The following CDH8 variants were observed in gnomAD, a reference collection of about 807,000 sequenced individuals.
CDH8 encodes cadherin-8.
In CDH8, 17 loss-of-function variants were observed where a neutral mutation model predicts 68.1. That is an observed-to-expected ratio of 0.25 (90% CI 0.17 to 0.37). The LOEUF is 0.37. Ranked by LOEUF, CDH8 falls within the 10% of genes least tolerant of loss-of-function variation. CDH8 has a pLI of 1.00. For synonymous variants in CDH8, 372 were observed against 365.1 expected (o/e 1.02, Z -0.21); for missense variants, 763 against 999.3 (o/e 0.76, Z 3.19).
chr16:62,000,097 T>G (rs111829776), intron 2 of CDH8, among the ~76,000 whole-genome samples: 4,045 of 152,238 alleles, frequency 0.027, 176 homozygotes, highest in African/African-American at 0.091. Context: ...TTGCTGAGAA[T>G]GATGGTTTCT....
chr16:61,884,118 C>T (rs1303119670), intron 3 of CDH8, among the ~76,000 whole-genome samples: 2 of 152,044 alleles, frequency 1.3e-5, no homozygotes, highest in Admixed American at 6.5e-5. Flanking sequence ...TGAAAAACAG[C>T]CTTAACTTGA....
At chr16:61,820,001 A>T (rs1420698853) in intron 6 of CDH8, among the ~76,000 whole-genome samples, 1 of 152,136 alleles carries the variant, frequency 6.6e-6, no homozygotes, top group African/African-American at 2.4e-5. Context: ...CACATTTCTT[A>T]TGAGTGTAGG....
At chr16:61,740,010 T>C (rs1055640920) in intron 8 of CDH8, among the ~76,000 whole-genome samples, 3 of 150,216 alleles carry the variant, frequency 2.0e-5, no homozygotes, top group Non-Finnish European at 4.4e-5. Context: ...CGGGTTCAAG[T>C]GATTCTCCCG....
intron 3 of CDH8, among the ~76,000 whole-genome samples, chr16:61,880,843 C>T (rs1375846023): frequency 1.3e-5 from 2 of 152,164 alleles, no homozygotes; most frequent in African/African-American, 4.8e-5. Context: ...GATCACGTTA[C>T]ATGAGATTGT....
At chr16:61,747,166 A>G (rs998152523) in intron 8 of CDH8, among the ~76,000 whole-genome samples, 2 of 152,106 alleles carry the variant, frequency 1.3e-5, no homozygotes, top group African/African-American at 2.4e-5. Context: ...CCATCTATGC[A>G]TGTTAGAAAG....
At chr16:61,887,338 G>C (rs1963693437) in intron 3 of CDH8, among the ~76,000 whole-genome samples, 1 of 152,202 alleles carries the variant, frequency 6.6e-6, no homozygotes, top group Non-Finnish European at 1.5e-5. Flanking sequence ...CTTTATAGCA[G>C]TGTGAAAACA....
chr16:61,672,836 T>C (rs1290853652), intron 10 of CDH8, among the ~76,000 whole-genome samples: 1 of 152,120 alleles, frequency 6.6e-6, no homozygotes, highest in Non-Finnish European at 1.5e-5. Flanking sequence ...GTTATTATAG[T>C]ATTCAGATGC....
chr16:61,700,454 T>TTTCACCATGTTGGCC (rs1357809809), intron 10 of CDH8, among the ~76,000 whole-genome samples: 20 of 152,002 alleles, frequency 1.3e-4, no homozygotes, highest in Non-Finnish European at 2.8e-4. Flanking sequence ...GTAATTTTTG[T>TTTCACCATGTTGGCC]ATTTTTAGTA....
At chr16:61,753,974 C>T (rs997436305) in intron 8 of CDH8, among the ~76,000 whole-genome samples, 5 of 152,064 alleles carry the variant, frequency 3.3e-5, no homozygotes, top group African/African-American at 9.7e-5. Context: ...TACAACCACT[C>T]AAAATGAAGA....
At chr16:61,988,674 A>G (rs184393718) in intron 2 of CDH8, among the ~76,000 whole-genome samples, 2 of 152,350 alleles carry the variant, frequency 1.3e-5, no homozygotes, top group East Asian at 3.9e-4. Context: ...ACCAAATTAC[A>G]GGAAAAAACA....
chr16:61,688,466 C>G lies in CDH8; in HGVS notation c.1654+25375G>C, dbSNP rs867604198. ...ATTAAGTTAGAGGAGGAGTTTTGCC[C>G]TTTTTATGAGTGCTTCCTTTTTCGT... On this transcript the variant is annotated intron_variant, in intron 10 of 11. Coordinates refer to ENST00000577390, the MANE Select transcript of CDH8 (RefSeq NM_001796.5). Among the ~76,000 whole-genome samples, 10 of 151,894 alleles carry G rather than the reference C, an allele frequency of 6.6e-5. 1 individual carries two copies. The highest frequency in any genetic ancestry group is 2.4e-4 in the African/African-American group (10 of 41,380).
At chr16:61,718,129 A>C (rs1392683712) in intron 9 of CDH8, among the ~76,000 whole-genome samples, 3 of 151,194 alleles carry the variant, frequency 2.0e-5, no homozygotes, top group Non-Finnish European at 4.4e-5. Flanking sequence ...GATATTTATA[A>C]TTTCTATATA....
chr16:61,959,846 T>A (rs538727416), intron 2 of CDH8, among the ~76,000 whole-genome samples: 1 of 148,332 alleles, frequency 6.7e-6, no homozygotes, highest in East Asian at 2.0e-4. Flanking sequence ...TATATATATA[T>A]ACATATATGT....
chr16:61,823,203 C>T lies in CDH8; in HGVS notation c.835+1809G>A, dbSNP rs568078276. On this transcript the variant is annotated intron_variant, in intron 5 of 11. Transcript: ENST00000577390. ...AATGCATCTCCTCTATCCTTTCTAGCTTGGAATTTCTTCAGATAAATCATC... is the reference window on the plus strand; with the variant it reads ...AATGCATCTCCTCTATCCTTTCTAGTTTGGAATTTCTTCAGATAAATCATC... 1.1e-4 allele frequency among the ~76,000 whole-genome samples: 17 copies of T among 151,962 alleles called. No homozygotes were observed. In the East Asian group the frequency reaches 3.1e-3, roughly 28 times the overall value.
intron 3 of CDH8, among the ~76,000 whole-genome samples, chr16:61,894,067 A>G (rs1325518587): frequency 6.6e-6 from 1 of 152,174 alleles, no homozygotes; most frequent in East Asian, 1.9e-4. Flanking sequence ...TAAGTGCAAA[A>G]AGAAAAAAAA....
At chr16:61,661,800 T>C (rs1963562652) in intron 10 of CDH8, among the ~76,000 whole-genome samples, 1 of 151,700 alleles carries the variant, frequency 6.6e-6, no homozygotes, top group Non-Finnish European at 1.5e-5. Context: ...GGGGTATTTC[T>C]ATATAGTCAC....
intron 2 of CDH8, among the ~76,000 whole-genome samples, chr16:61,914,920 A>T (rs1283623333): frequency 6.6e-6 from 1 of 152,184 alleles, no homozygotes; most frequent in African/African-American, 2.4e-5. Context: ...ACAGAATTAT[A>T]AGATAATGCA....
intron 3 of CDH8, among the ~76,000 whole-genome samples, chr16:61,860,426 A>C (rs113494112): frequency 9.8e-5 from 15 of 152,338 alleles, no homozygotes; most frequent in African/African-American, 3.6e-4. Context: ...TTAGTCCAAA[A>C]ATTAAAGAAA....
rs1273267795 is a variant in CDH8, at chr16:61,957,991, T to C, written c.253-56518A>G. Among the ~76,000 whole-genome samples, 3 of 152,316 alleles carry C rather than the reference T, an allele frequency of 2.0e-5. No individual in the cohort carries two copies. In the East Asian group the frequency reaches 5.8e-4, roughly 29 times the overall value. On this transcript the variant is annotated intron_variant, in intron 2 of 11. Coordinates refer to ENST00000577390, the MANE Select transcript of CDH8 (RefSeq NM_001796.5). The stretch of plus-strand genomic sequence containing the variant: ...GTAATTCTACTTGGGTAATTGATAG[T>C]TAACATACGCTGCAATATAAATGTG...
Sources: allele counts gnomAD v4.1 joint callset (sites outside exome capture counted in the v4.1 genomes callset), GRCh38; gene constraint gnomAD v4.1.1; transcripts MANE v1.5; gene names NCBI Gene and HGNC (gene_info 2026-07-23, HGNC 2026-07-21).